CCDC50: variants seen among roughly 807,000 people sequenced by gnomAD.
CCDC50 encodes coiled-coil domain containing 50.
Under a neutral mutation model 70.2 loss-of-function variants are expected in CCDC50, and 54 were observed. That is an observed-to-expected ratio of 0.77 (90% CI 0.62 to 0.96). The LOEUF (loss-of-function observed/expected upper bound fraction) is 0.96, where lower values mean the gene tolerates loss of function less well. Ranked by LOEUF, CCDC50 falls within the 50% of genes least tolerant of loss-of-function variation. The pLI is 0.00. For synonymous variants in CCDC50, 216 were observed against 198.8 expected (o/e 1.09, Z -0.73); for missense variants, 558 against 578.7 (o/e 0.96, Z 0.37).
At chr3:191,370,415 A>C (rs9876944) in intron 5 of CCDC50, 79,347 of 238,268 alleles carry the variant, frequency 0.33, 12,128 homozygotes, top group Admixed American at 0.35. Context: ...CTTCCTGTAT[A>C]CATGTGTTCT....
intron 5 of CCDC50, among the ~76,000 whole-genome samples, chr3:191,370,548 G>A (rs1484486416): frequency 1.3e-5 from 2 of 151,090 alleles, no homozygotes; most frequent in African/African-American, 4.9e-5. Flanking sequence ...GAGTGCAATG[G>A]TGCTATCTGG....
At chr3:191,356,860 A>G (rs1289566668) in intron 1 of CCDC50, among the ~76,000 whole-genome samples, 1 of 152,240 alleles carries the variant, frequency 6.6e-6, no homozygotes, top group Non-Finnish European at 1.5e-5. Flanking sequence ...AAGGCTAACC[A>G]GTATTTTGTG....
chr3:191,370,297 T>C (rs1384555620), intron 5 of CCDC50: 46 of 368,960 alleles, frequency 1.2e-4, no homozygotes, highest in Non-Finnish European at 9.5e-5. Flanking sequence ...ATGTGCCATG[T>C]TGGTGTGCTG....
At chr3:191,369,847 G>C (rs563818060) in intron 4 of CCDC50, 72 bp from the exon 5 acceptor site, 36 of 1,101,198 alleles carry the variant, frequency 3.3e-5, no homozygotes, top group Admixed American at 8.5e-5. Flanking sequence ...GCAGTGGAAT[G>C]TCAAGCCCCA....
chr3:191,342,172 G>C (rs75212340), intron 1 of CCDC50, among the ~76,000 whole-genome samples: 16 of 152,248 alleles, frequency 1.1e-4, no homozygotes, highest in African/African-American at 3.6e-4. Context: ...TTTGATTTCC[G>C]TAATCCAAGA....
rs184232451 is a variant in CCDC50, at chr3:191,349,870, C to T, written c.50-7218C>T. ...TTTTGGGGGACATGGAAACCACTTTCTGAATACATGTACCATCTTTACTAA... is the reference window on the plus strand; with the variant it reads ...TTTTGGGGGACATGGAAACCACTTTTTGAATACATGTACCATCTTTACTAA... On this transcript the variant is annotated intron_variant, in intron 1 of 11. Transcript: ENST00000392455. 3.6e-5 allele frequency among the ~76,000 whole-genome samples: 5 copies of T among 140,690 alleles called. 1 individual carries two copies. Among genetic ancestry groups the T allele is most frequent in the Non-Finnish European group, 6.4e-5 (4 of 62,492 alleles). The allele number at this position is 140,690 out of a possible 152,430, so 92.3% of individuals were successfully genotyped here. A position where few individuals can be genotyped will look rare whatever the true frequency, so the allele number is the denominator to read the frequency against.
chr3:191,377,600 G>C (rs897414724), intron 6 of CCDC50, among the ~76,000 whole-genome samples: 3 of 152,090 alleles, frequency 2.0e-5, no homozygotes, highest in Admixed American at 2.0e-4. Flanking sequence ...TTGTTAGTCA[G>C]ATATACTGTG....
intron 1 of CCDC50, among the ~76,000 whole-genome samples, chr3:191,346,173 T>A (rs1446513527): frequency 6.6e-6 from 1 of 152,204 alleles, no homozygotes; most frequent in Non-Finnish European, 1.5e-5. Context: ...TCAATAAAAT[T>A]GCTACTACAA....
At position 191,394,457 on chromosome 3, in the gene CCDC50, TA is replaced by T. The variant is rs1247897706; in HGVS notation, c.*2700del. ...TGCTTTTTACTTTGTCATTTTTATA[TA>T]AATGTGAAAGCATTTTGTTGTTGTT... is the stretch of plus-strand genomic sequence containing the variant. On this transcript the variant is annotated 3_prime_UTR_variant, in exon 12 of 12. Transcript: ENST00000392455. 1 of 152,210 alleles carries T rather than the reference TA, an allele frequency of 6.6e-6. No homozygotes were observed. The highest frequency in any genetic ancestry group is 2.4e-5 in the African/African-American group (1 of 41,458). The allele number at this position is 152,210 out of a possible 1,614,324, so 9.4% of individuals were successfully genotyped here. A position where few individuals can be genotyped will look rare whatever the true frequency, so the allele number is the denominator to read the frequency against.
In CCDC50 at chr3:191,393,574, C is replaced by G. The variant is rs1053871691; in HGVS notation, c.*1814C>G. 2.0e-5 allele frequency: 3 copies of G among 152,058 alleles called. No individual in the cohort carries two copies. The highest frequency in any genetic ancestry group is 7.2e-5 in the African/African-American group (3 of 41,398). The allele number at this position is 152,058 out of a possible 1,614,324, so 9.4% of individuals were successfully genotyped here. On this transcript the variant is annotated 3_prime_UTR_variant, in exon 12 of 12. Transcript: ENST00000392455. ...AAAATCATCTGAGTTAAGTTTTGGG[C>G]AAATGTTAATCAGAAAGATAATCTA... is the stretch of plus-strand genomic sequence containing the variant.
intron 10 of CCDC50, among the ~76,000 whole-genome samples, chr3:191,387,625 GA>G (rs1713543150): frequency 4.0e-5 from 6 of 151,072 alleles, no homozygotes; most frequent in Admixed American, 3.9e-4. Flanking sequence ...AAGTACTTAA[GA>G]AGTACTCTTA....
chr3:191,383,959 A>C (rs1023989691), intron 10 of CCDC50, among the ~76,000 whole-genome samples: 2 of 152,126 alleles, frequency 1.3e-5, no homozygotes, highest in East Asian at 1.9e-4. Context: ...TTTTTAGTCA[A>C]ATGAATTTAA....
Position 191,363,578 on chromosome 3 carries a change from T to G in CCDC50, c.330+2419T>G, listed in dbSNP as rs536371380. ...AATTTATAATTGCCCTTTCCTTGAT[T>G]TCTGTTATAGAGAGATATGTGCTGC... On this transcript the variant is annotated intron_variant, in intron 4 of 11. Coordinates refer to ENST00000392455, the MANE Select transcript of CCDC50 (RefSeq NM_178335.3). 8.5e-5 allele frequency among the ~76,000 whole-genome samples: 13 copies of G among 152,332 alleles called. 1 individual carries two copies. Among genetic ancestry groups the G allele is most frequent in the Admixed American group, 7.8e-4 (12 of 15,304 alleles).
chr3:191,367,964 T>C (rs1712755569), intron 4 of CCDC50, among the ~76,000 whole-genome samples: 1 of 152,008 alleles, frequency 6.6e-6, no homozygotes, highest in Admixed American at 6.6e-5. Flanking sequence ...CTTTGTAAGA[T>C]ATTAAAGCTA....
At chr3:191,389,071 T>G (rs1713594697) in intron 10 of CCDC50, among the ~76,000 whole-genome samples, 1 of 152,162 alleles carries the variant, frequency 6.6e-6, no homozygotes, top group African/African-American at 2.4e-5. Flanking sequence ...CCTTTCTGTC[T>G]CTTACCCTTC....
At position 191,350,103 on chromosome 3, in the gene CCDC50, A is replaced by C. The variant is rs1393944158; in HGVS notation, c.50-6985A>C. Among the ~76,000 whole-genome samples the C allele has an allele frequency of 1.4e-5, 2 of 139,092 alleles. 1 individual carries two copies. The highest frequency in any genetic ancestry group is 3.2e-5 in the Non-Finnish European group (2 of 61,932). The allele number at this position is 139,092 out of a possible 152,430, so 91.2% of individuals were successfully genotyped here. ...AGCCGTTTTATTTCTCTTGAGCCTT[A>C]GTTTCCTCATAAGTAAAATGGGGAT... On this transcript the variant is annotated intron_variant, in intron 1 of 11. Transcript: ENST00000392455.
rs755708705 is a variant in CCDC50 at position 191,350,236 on chromosome 3, A to G, written c.50-6852A>G. Among the ~76,000 whole-genome samples, 9 of 141,602 alleles carry G rather than the reference A, an allele frequency of 6.4e-5. 3 individuals carry two copies. The highest frequency in any genetic ancestry group is 1.9e-4 in the East Asian group (1 of 5,202). 92.9% of individuals were successfully genotyped at this position (141,602 alleles called of 152,430 possible). On this transcript the variant is annotated intron_variant, in intron 1 of 11. Transcript: ENST00000392455. ...CAGTTGTGGCTGTCTGTTATTACCA[A>G]ACTTTCACAAGACAAAATGTATCTC...
rs1024851255 is a variant in CCDC50 at position 191,394,007 on chromosome 3, G to A, written c.*2247G>A. On this transcript the variant is annotated 3_prime_UTR_variant, in exon 12 of 12. Coordinates refer to ENST00000392455, the MANE Select transcript of CCDC50 (RefSeq NM_178335.3). ...ATTCTGCATTTCTCTTGCCTCTCAT[G>A]TACTTCATCCAGTTATTTATTATTG... The A allele has an allele frequency of 2.0e-5, 3 of 151,814 alleles. No individual in the cohort carries two copies. Among genetic ancestry groups the A allele is most frequent in the African/African-American group, 7.3e-5 (3 of 41,330 alleles). The allele number at this position is 151,814 out of a possible 1,614,324, so 9.4% of individuals were successfully genotyped here. A position where few individuals can be genotyped will look rare whatever the true frequency, so the allele number is the denominator to read the frequency against.
chr3:191,370,574 C>T (rs1399314783), intron 5 of CCDC50, among the ~76,000 whole-genome samples: 1 of 151,562 alleles, frequency 6.6e-6, no homozygotes, highest in Non-Finnish European at 1.5e-5. Flanking sequence ...CTGCAGCCTC[C>T]CTCTCCAAGG....
Sources: allele counts gnomAD v4.1 joint callset (sites outside exome capture counted in the v4.1 genomes callset), GRCh38; gene constraint gnomAD v4.1.1; transcripts MANE v1.5; gene names NCBI Gene and HGNC (gene_info 2026-07-23, HGNC 2026-07-21).